CLMN: variants seen among roughly 807,000 people sequenced by gnomAD.
The protein encoded by CLMN is calmin, also known as calmin (calponin-like, transmembrane).
Under a neutral mutation model 92.7 loss-of-function variants are expected in CLMN, and 57 were observed. The ratio of observed to expected loss-of-function variants is 0.61; its 90% CI spans 0.50 to 0.77. The LOEUF (loss-of-function observed/expected upper bound fraction) is 0.77. Ranked by LOEUF, CLMN falls within the 30% of genes least tolerant of loss-of-function variation. The probability of loss-of-function intolerance (pLI) is 0.00; values close to 1 mark genes in which losing one functional copy is unlikely to be tolerated. For missense variants in CLMN, 1,158 were observed against 1,237.5 expected, an observed-to-expected ratio of 0.94 and a Z score of 0.96; for synonymous variants, 466 against 470.6, an observed-to-expected ratio of 0.99 and a Z score of 0.13.
intron 1 of CLMN, among the ~76,000 whole-genome samples, chr14:95,249,784 G>A (rs1247352832): frequency 6.6e-6 from 1 of 151,992 alleles, no homozygotes; most frequent in African/African-American, 2.4e-5. Context: ...CAGTACAGAC[G>A]GGGTTTCACT....
chr14:95,317,497 T>G (rs143958206), intron 1 of CLMN, among the ~76,000 whole-genome samples: 2 of 151,022 alleles, frequency 1.3e-5, no homozygotes, highest in African/African-American at 4.9e-5. Flanking sequence ...GGTGAATGAA[T>G]CATCAAACAG....
rs144613690 is a variant in CLMN at position 95,203,026 on chromosome 14, C to T, written c.2323G>A (p.Asp775Asn). ...GAACTGGAGCTGCTCTGAGAGCCATCGGCCTCCTCCTCCCTGGAGTCCAGG... is the reference window on the plus strand; with the variant it reads ...GAACTGGAGCTGCTCTGAGAGCCATTGGCCTCCTCCTCCCTGGAGTCCAGG... The part of the protein sequence containing the change: ...PDLDSREEEA[D>N]GSQSSSSSSV... Residue 775 changes from aspartate (D) to asparagine (N), a missense_variant, in exon 9 of 13, where the codon GAT becomes AAT. Coordinates refer to ENST00000298912, the MANE Select transcript of CLMN (RefSeq NM_024734.4). 39 of 1,613,934 alleles carry T rather than the reference C, an allele frequency of 2.4e-5. No homozygotes were observed. Among genetic ancestry groups the T allele is most frequent in the East Asian group, 6.7e-5 (3 of 44,886 alleles).
At chr14:95,253,615 T>TG (rs200591622) in intron 1 of CLMN, among the ~76,000 whole-genome samples, 11,856 of 146,490 alleles carry the variant, frequency 0.081, 634 homozygotes, top group African/African-American at 0.15. Context: ...TTTTGTTTTT[T>TG]TGTTTTTTTT....
chr14:95,291,797 G>A (rs1394682636), intron 1 of CLMN, among the ~76,000 whole-genome samples: 2 of 152,208 alleles, frequency 1.3e-5, no homozygotes, highest in Non-Finnish European at 2.9e-5. Context: ...TGGAGAAGCC[G>A]TGGATGGCCA....
rs2140766303 is a variant in CLMN, at chr14:95,294,211, T to C, written c.82+25500A>G. On this transcript the variant is annotated intron_variant, in intron 1 of 12. Coordinates refer to ENST00000298912, the MANE Select transcript of CLMN (RefSeq NM_024734.4). This position sits in a 1 kb window ranked among gnomAD's most constrained non-coding sequence, Gnocchi z 4.2. The stretch of plus-strand genomic sequence containing the variant: ...AGAAATATTTGCTAAGCACCTACTA[T>C]GTGCCAGGGACTGGACAGACTACAA... Among the ~76,000 whole-genome samples, 1 of 152,348 alleles carries C rather than the reference T, an allele frequency of 6.6e-6. No individual in the cohort carries two copies. Among genetic ancestry groups the C allele is most frequent in the Non-Finnish European group, 1.5e-5 (1 of 68,032 alleles).
intron 1 of CLMN, among the ~76,000 whole-genome samples, chr14:95,272,753 G>C (rs1899763469): frequency 6.6e-6 from 1 of 152,214 alleles, no homozygotes; most frequent in African/African-American, 2.4e-5. Context: ...TAGTGGGACA[G>C]AAGAAAGACC....
chr14:95,249,422 G>C (rs1898696478), intron 1 of CLMN, among the ~76,000 whole-genome samples: 1 of 152,114 alleles, frequency 6.6e-6, no homozygotes, highest in African/African-American at 2.4e-5. Flanking sequence ...ATGAAACTTT[G>C]TAGCCCTCTC....
At chr14:95,267,838 G>A (rs1050580078) in intron 1 of CLMN, among the ~76,000 whole-genome samples, 2 of 151,972 alleles carry the variant, frequency 1.3e-5, no homozygotes, top group Non-Finnish European at 2.9e-5. Flanking sequence ...AATATTATTC[G>A]GCCATAAAAA....
chr14:95,243,719 ATTTT>A (rs35698997), intron 1 of CLMN, among the ~76,000 whole-genome samples: 8 of 139,466 alleles, frequency 5.7e-5, no homozygotes, highest in Non-Finnish European at 6.1e-5. Flanking sequence ...AATCTCCTCT[ATTTT>A]TTTTTTTTTT....
chr14:95,240,984 G>A (rs543744899), intron 1 of CLMN, among the ~76,000 whole-genome samples: 10 of 152,260 alleles, frequency 6.6e-5, no homozygotes, highest in Admixed American at 3.9e-4. Flanking sequence ...GCTCAAGTGC[G>A]GAAGAAAGGT....
At chr14:95,245,813 T>C (rs1595054103) in intron 1 of CLMN, among the ~76,000 whole-genome samples, 1 of 148,298 alleles carries the variant, frequency 6.7e-6, no homozygotes. Context: ...GATGGATGGA[T>C]GGACGGATGG....
At chr14:95,253,856 C>T (rs957694676) in intron 1 of CLMN, among the ~76,000 whole-genome samples, 10 of 152,014 alleles carry the variant, frequency 6.6e-5, no homozygotes, top group Non-Finnish European at 1.0e-4. Flanking sequence ...CCTCCTGATC[C>T]GCCCGCCTCG....
rs1896405668 is a variant in CLMN at position 95,184,924 on chromosome 14, C to G, written c.*6640G>C. On this transcript the variant is annotated 3_prime_UTR_variant, in exon 13 of 13. Coordinates refer to ENST00000298912, the MANE Select transcript of CLMN (RefSeq NM_024734.4). ...AGGAGTTCGAGACCAGCCTGAGCAA[C>G]AGTGAGACCTGTATCTATAAAAGAT... 1 of 152,278 alleles carries G rather than the reference C, an allele frequency of 6.6e-6. No individual in the cohort carries two copies. Among genetic ancestry groups the G allele is most frequent in the Admixed American group, 6.5e-5 (1 of 15,268 alleles). 9.4% of individuals were successfully genotyped at this position (152,278 alleles called of 1,614,324 possible).
chr14:95,194,353 T>C lies in CLMN; in HGVS notation c.2769+183A>G, dbSNP rs60643391. 12,947 of 1,440,578 alleles carry C rather than the reference T, an allele frequency of 9.0e-3. 963 individuals carry two copies. The African/African-American group carries it at 0.16, about 18-fold the overall frequency. 89.2% of individuals were successfully genotyped at this position (1,440,578 alleles called of 1,614,324 possible). On this transcript the variant is annotated intron_variant, in intron 11 of 12. Coordinates refer to ENST00000298912, the MANE Select transcript of CLMN (RefSeq NM_024734.4). This position sits in a 1 kb window ranked among gnomAD's most constrained non-coding sequence, Gnocchi z 4.0. ...TCCTCACTTTATTTACATCTCTTAT[T>C]GCCCAAACCGGATATCCGATCGGAC... is the stretch of plus-strand genomic sequence containing the variant.
chr14:95,252,309 A>G (rs1320651982), intron 1 of CLMN, among the ~76,000 whole-genome samples: 1 of 152,190 alleles, frequency 6.6e-6, no homozygotes, highest in Non-Finnish European at 1.5e-5. Flanking sequence ...CCCCATACGG[A>G]AAGTGGGGAT....
chr14:95,184,695 C>G lies in CLMN; in HGVS notation c.*6869G>C, dbSNP rs549918878. The G allele has an allele frequency of 6.6e-6, 1 of 152,268 alleles. No individual in the cohort carries two copies. The highest frequency in any genetic ancestry group is 1.5e-5 in the Non-Finnish European group (1 of 68,090). 9.4% of individuals were successfully genotyped at this position (152,268 alleles called of 1,614,324 possible). ...TAACTTTTGTGGGCTCTTGGGGAAC[C>G]AGCAGCTCTGAGTCTCCAGGCTTTT... is the stretch of plus-strand genomic sequence containing the variant. On this transcript the variant is annotated 3_prime_UTR_variant, in exon 13 of 13. Transcript: ENST00000298912.
At position 95,194,781 on chromosome 14, in the gene CLMN, A is replaced by T. The variant is rs1896656308; in HGVS notation, c.2709-185T>A. Among the ~76,000 whole-genome samples the T allele has an allele frequency of 6.6e-6, 1 of 152,248 alleles. No homozygotes were observed. The highest frequency in any genetic ancestry group is 2.4e-5 in the African/African-American group (1 of 41,468). ...CTTTGGTTGGACAGTGCTTACAAAT[A>T]GGATGGATATTAGTGATACACACAT... is the stretch of plus-strand genomic sequence containing the variant. On this transcript the variant is annotated intron_variant, in intron 10 of 12. Transcript: ENST00000298912. The surrounding 1 kb of genome is among the most constrained non-coding windows in gnomAD (Gnocchi z 4.0).
intron 1 of CLMN, among the ~76,000 whole-genome samples, chr14:95,318,835 T>C (rs991492446): frequency 2.0e-5 from 3 of 152,244 alleles, no homozygotes; most frequent in Non-Finnish European, 4.4e-5. Flanking sequence ...AGAACACCTG[T>C]CTGTTGGGTG....
At chr14:95,220,168 C>CTT (rs1897484320) in intron 4 of CLMN, among the ~76,000 whole-genome samples, 2 of 85,456 alleles carry the variant, frequency 2.3e-5, no homozygotes, top group East Asian at 2.4e-4. Flanking sequence ...TGGATAGGTC[C>CTT]CTTTTTTTTT....
Sources: allele counts gnomAD v4.1 joint callset (sites outside exome capture counted in the v4.1 genomes callset), GRCh38; gene constraint gnomAD v4.1.1; non-coding constraint Gnocchi (gnomAD v3.1); transcripts MANE v1.5; gene names NCBI Gene and HGNC (gene_info 2026-07-23, HGNC 2026-07-21).